The following CDH12 variants were observed in gnomAD, a reference collection of about 807,000 sequenced individuals.
CDH12 encodes cadherin-12.
In CDH12, 41 loss-of-function variants were observed where a neutral mutation model predicts 74.1. The ratio of observed to expected loss-of-function variants is 0.55; its 90% CI spans 0.43 to 0.72. The LOEUF is 0.72. CDH12 is among the 30% of genes least tolerant of loss of function. CDH12 has a pLI of 0.00. For synonymous variants in CDH12, 399 were observed against 355.0 expected (o/e 1.12, Z -1.39); for missense variants, 945 against 977.2 (o/e 0.97, Z 0.44).
At chr5:22,067,558 A>T (rs1035471228) in intron 5 of CDH12, among the ~76,000 whole-genome samples, 1 of 152,082 alleles carries the variant, frequency 6.6e-6, no homozygotes, top group African/African-American at 2.4e-5. Flanking sequence ...TGCTACGTAG[A>T]CTGTTCTGCT....
rs1036835434 is a variant in CDH12 at position 22,395,826 on chromosome 5, C to T, written c.-333+9431G>A. On this transcript the variant is annotated intron_variant, in intron 3 of 14. Coordinates refer to ENST00000382254, the MANE Select transcript of CDH12 (RefSeq NM_004061.5). ...ATAAAGAAGAGATGGGTAAGGCCTG[C>T]CCTGGAGGACTTCTGCATTTTACAT... 2.6e-5 allele frequency among the ~76,000 whole-genome samples: 4 copies of T among 152,054 alleles called. No individual in the cohort carries two copies. In the East Asian group the frequency reaches 7.7e-4, roughly 29 times the overall value.
At chr5:21,957,814 A>G (rs1756169162) in intron 6 of CDH12, among the ~76,000 whole-genome samples, 1 of 152,038 alleles carries the variant, frequency 6.6e-6, no homozygotes, top group African/African-American at 2.4e-5. Context: ...GCTGGATTTT[A>G]GACATTTGTC....
intron 4 of CDH12, among the ~76,000 whole-genome samples, chr5:22,164,277 T>C (rs1449318356): frequency 6.6e-6 from 1 of 152,284 alleles, no homozygotes; most frequent in Non-Finnish European, 1.5e-5. Flanking sequence ...TATAGCTCTA[T>C]TAGAAGTCGT....
intron 1 of CDH12, among the ~76,000 whole-genome samples, chr5:22,657,716 G>T: frequency 6.6e-6 from 1 of 152,170 alleles, no homozygotes; most frequent in East Asian, 1.9e-4. Context: ...ATTTCCCAAA[G>T]TATAAACTCA....
chr5:22,613,728 T>C (rs1737537363), intron 1 of CDH12, among the ~76,000 whole-genome samples: 1 of 152,046 alleles, frequency 6.6e-6, no homozygotes, highest in African/African-American at 2.4e-5. Flanking sequence ...AGAGAGTGAA[T>C]GCAGTGCTGA....
intron 3 of CDH12, among the ~76,000 whole-genome samples, chr5:22,329,421 A>C (rs1739255474): frequency 6.6e-6 from 1 of 152,202 alleles, no homozygotes. Flanking sequence ...GTTTGTTTCT[A>C]ACCACTAGAA....
At chr5:22,520,870 G>C (rs188214504) in intron 1 of CDH12, among the ~76,000 whole-genome samples, 2 of 152,212 alleles carry the variant, frequency 1.3e-5, no homozygotes. Context: ...TTAGTTACAC[G>C]TAAGTATATT....
At chr5:22,319,280 G>A (rs1327025544) in intron 3 of CDH12, among the ~76,000 whole-genome samples, 1 of 152,162 alleles carries the variant, frequency 6.6e-6, no homozygotes, top group Non-Finnish European at 1.5e-5. Context: ...GAAGAATAGA[G>A]TGCAGCAGAA....
At chr5:22,679,692 G>T (rs1024592130) in intron 1 of CDH12, among the ~76,000 whole-genome samples, 3 of 151,980 alleles carry the variant, frequency 2.0e-5, no homozygotes, top group Non-Finnish European at 4.4e-5. Context: ...AAATCATGGA[G>T]GTTTATTATG....
chr5:22,048,243 G>T (rs952216771), intron 5 of CDH12, among the ~76,000 whole-genome samples: 1 of 152,112 alleles, frequency 6.6e-6, no homozygotes, highest in Non-Finnish European at 1.5e-5. Flanking sequence ...AGAGACATAT[G>T]ATCTAACAGA....
chr5:22,584,700 T>C (rs530333009), intron 1 of CDH12, among the ~76,000 whole-genome samples: 1 of 152,276 alleles, frequency 6.6e-6, no homozygotes, highest in African/African-American at 2.4e-5. Context: ...TTCTTCCTTC[T>C]TTTTATGTTC....
chr5:22,153,903 T>TATATACACACAC (rs1478012877), intron 4 of CDH12, among the ~76,000 whole-genome samples: 1 of 111,160 alleles, frequency 9.0e-6, no homozygotes, highest in African/African-American at 3.5e-5. Context: ...TATATATATA[T>TATATACACACAC]ACACACACAT....
At chr5:22,616,796 G>T (rs1436710186) in intron 1 of CDH12, among the ~76,000 whole-genome samples, 1 of 152,018 alleles carries the variant, frequency 6.6e-6, no homozygotes, top group Non-Finnish European at 1.5e-5. Context: ...ATGGTATTAG[G>T]AGGTAGGACA....
intron 1 of CDH12, among the ~76,000 whole-genome samples, chr5:22,820,262 T>C (rs994181274): frequency 6.6e-6 from 1 of 151,956 alleles, no homozygotes; most frequent in Non-Finnish European, 1.5e-5. Flanking sequence ...TGTCTTAATT[T>C]TTCAGAAATG....
chr5:21,890,030 G>A (rs4077772), intron 6 of CDH12, among the ~76,000 whole-genome samples: 143,053 of 152,230 alleles, frequency 0.94, 67,708 homozygotes, highest in Non-Finnish European at 1. Flanking sequence ...TCTATGTTTC[G>A]GGAAATATGT....
At chr5:22,028,078 T>C (rs1029145523) in intron 5 of CDH12, among the ~76,000 whole-genome samples, 2 of 152,132 alleles carry the variant, frequency 1.3e-5, no homozygotes, top group Non-Finnish European at 2.9e-5. Flanking sequence ...ATGTACCCAG[T>C]AGTCATTCAG....
At chr5:21,801,516 T>G (rs994431104) in intron 10 of CDH12, among the ~76,000 whole-genome samples, 1 of 152,204 alleles carries the variant, frequency 6.6e-6, no homozygotes, top group Admixed American at 6.5e-5. Context: ...AATTGTATTA[T>G]GTCTTGATAG....
rs551673798 is a variant in CDH12 at position 21,882,734 on chromosome 5, C to T, written c.527-27944G>A. ...TCAAGGTGTAGGTAGACCTTTTAGC[C>T]GATGCTGTGGCCGTTACAATGGAGC... On this transcript the variant is annotated intron_variant, in intron 6 of 14. Transcript: ENST00000382254. 8.5e-5 allele frequency: 137 copies of T among 1,604,196 alleles called. 2 individuals are homozygous for T. In the East Asian group the frequency reaches 2.7e-3, roughly 32 times the overall value.
intron 6 of CDH12, among the ~76,000 whole-genome samples, chr5:21,867,467 C>T (rs530067177): frequency 6.8e-4 from 104 of 152,250 alleles, no homozygotes; most frequent in South Asian, 5.6e-3. Flanking sequence ...AACACCAGGG[C>T]GGGGCTGCCC....
Sources: gnomAD v4.1 joint callset for allele counts (sites outside exome capture counted in the v4.1 genomes callset) on GRCh38, gnomAD v4.1.1 for gene constraint, MANE v1.5 for transcripts, NCBI Gene and HGNC (gene_info 2026-07-23, HGNC 2026-07-21) for gene names.